JAKMIP2: variants seen among roughly 807,000 people sequenced by gnomAD.
JAKMIP2 encodes the protein janus kinase and microtubule-interacting protein 2.
JAKMIP2 carries 25 observed loss-of-function variants against 115.0 expected under a neutral mutation model. The observed-to-expected ratio is 0.22, with a 90% CI of 0.16 to 0.30. The LOEUF is 0.30. Ranked by LOEUF, JAKMIP2 falls within the 10% of genes least tolerant of loss-of-function variation. The probability of loss-of-function intolerance (pLI) is 1.00; values close to 1 mark genes in which losing one functional copy is unlikely to be tolerated. For missense variants in JAKMIP2, 642 were observed against 957.6 expected, an observed-to-expected ratio of 0.67 and a Z score of 4.35; for synonymous variants, 334 against 343.6, an observed-to-expected ratio of 0.97 and a Z score of 0.31.
At chr5:147,721,842 GC>G (rs1365730940) in intron 1 of JAKMIP2, among the ~76,000 whole-genome samples, 1 of 152,128 alleles carries the variant, frequency 6.6e-6, no homozygotes, top group Non-Finnish European at 1.5e-5. Context: ...GTAGACCGGA[GC>G]CGTTCCTATT....
chr5:147,763,385 T>C (rs1755002025), intron 1 of JAKMIP2, among the ~76,000 whole-genome samples: 1 of 152,158 alleles, frequency 6.6e-6, no homozygotes, highest in African/African-American at 2.4e-5. Context: ...TGGGGGCAGC[T>C]ATAGGCTGTC....
intron 1 of JAKMIP2, among the ~76,000 whole-genome samples, chr5:147,771,207 G>A (rs1755341527): frequency 6.6e-6 from 1 of 152,122 alleles, no homozygotes; most frequent in African/African-American, 2.4e-5. Context: ...TTTGCAGTCA[G>A]ACAGAATTAA....
At chr5:147,655,036 C>T (rs1758608906) in intron 3 of JAKMIP2, among the ~76,000 whole-genome samples, 1 of 152,200 alleles carries the variant, frequency 6.6e-6, no homozygotes, top group Admixed American at 6.5e-5. Context: ...ACCATCCTTG[C>T]ATCCCAGGGA....
intron 16 of JAKMIP2, 147 bp downstream of exon 16, chr5:147,628,604 C>T: frequency 4.0e-6 from 2 of 506,026 alleles, no homozygotes; most frequent in Non-Finnish European, 6.9e-6. Flanking sequence ...CTCATTCTAT[C>T]TGGGTTGTAC....
chr5:147,770,067 A>G (rs763680275), intron 1 of JAKMIP2, among the ~76,000 whole-genome samples: 6 of 152,198 alleles, frequency 3.9e-5, no homozygotes, highest in Non-Finnish European at 7.4e-5. Context: ...ACGTATGTAT[A>G]TATGTTTGTG....
At chr5:147,616,595 A>T (rs1236876357) in intron 19 of JAKMIP2, among the ~76,000 whole-genome samples, 2 of 152,214 alleles carry the variant, frequency 1.3e-5, no homozygotes, top group African/African-American at 4.8e-5. Context: ...TTGCAGCACA[A>T]GAAATTTGTG....
chr5:147,749,097 T>C (rs532383213), intron 1 of JAKMIP2, among the ~76,000 whole-genome samples: 3 of 152,152 alleles, frequency 2.0e-5, no homozygotes, highest in Non-Finnish European at 4.4e-5. Flanking sequence ...TGAAAACATG[T>C]CCTAAGTTAC....
At chr5:147,675,376 G>T (rs1184778143) in intron 1 of JAKMIP2, among the ~76,000 whole-genome samples, 1 of 152,028 alleles carries the variant, frequency 6.6e-6, no homozygotes, top group Non-Finnish European at 1.5e-5. Context: ...TGGTGGAGGA[G>T]AACTTTCCAA....
intron 1 of JAKMIP2, among the ~76,000 whole-genome samples, chr5:147,690,966 G>C (rs1271431187): frequency 6.6e-6 from 1 of 152,038 alleles, no homozygotes; most frequent in Admixed American, 6.5e-5. Flanking sequence ...CCTGGGGGTA[G>C]GTGCCTGAAG....
At chr5:147,721,279 G>A (rs1753272053) in intron 1 of JAKMIP2, among the ~76,000 whole-genome samples, 1 of 152,110 alleles carries the variant, frequency 6.6e-6, no homozygotes, top group Non-Finnish European at 1.5e-5. Flanking sequence ...ATTTAAGTCT[G>A]CAGAGGTTAC....
intron 5 of JAKMIP2, among the ~76,000 whole-genome samples, chr5:147,645,412 C>G (rs1561511532): frequency 6.6e-6 from 1 of 152,082 alleles, no homozygotes; most frequent in Non-Finnish European, 1.5e-5. Context: ...CTAAGTAATG[C>G]GACCAGGAGC....
intron 1 of JAKMIP2, among the ~76,000 whole-genome samples, chr5:147,676,187 T>G (rs1485947467): frequency 6.6e-6 from 1 of 152,120 alleles, no homozygotes; most frequent in Non-Finnish European, 1.5e-5. Context: ...TACAAAAAAA[T>G]TAGCCGGACG....
intron 1 of JAKMIP2, among the ~76,000 whole-genome samples, chr5:147,685,679 T>A (rs1760531993): frequency 6.6e-6 from 1 of 152,202 alleles, no homozygotes; most frequent in African/African-American, 2.4e-5. Context: ...ACAACTTATT[T>A]GAAAGCAATT....
chr5:147,763,954 G>T (rs922800522), intron 1 of JAKMIP2, among the ~76,000 whole-genome samples: 9 of 152,060 alleles, frequency 5.9e-5, no homozygotes, highest in African/African-American at 2.2e-4. Context: ...GTCACCTAAG[G>T]ATCACCCAGC....
chr5:147,764,597 G>A (rs548245628), intron 1 of JAKMIP2, among the ~76,000 whole-genome samples: 1 of 151,944 alleles, frequency 6.6e-6, no homozygotes, highest in East Asian at 2.0e-4. Context: ...TATAGAAAGA[G>A]CAATTCGGCT....
At chr5:147,728,617 T>C (rs575560821) in intron 1 of JAKMIP2, among the ~76,000 whole-genome samples, 2 of 152,320 alleles carry the variant, frequency 1.3e-5, no homozygotes, top group South Asian at 4.1e-4. Flanking sequence ...ATTAACTGGC[T>C]GAAAAATAAT....
chr5:147,726,293 T>C (rs1302391314), intron 1 of JAKMIP2, among the ~76,000 whole-genome samples: 1 of 152,182 alleles, frequency 6.6e-6, no homozygotes, highest in African/African-American at 2.4e-5. Context: ...GTCACACGTA[T>C]TTTGCTCTGC....
At chr5:147,636,837 C>G (rs1030871595) in intron 11 of JAKMIP2, 128 bp downstream of exon 11, 5 of 775,124 alleles carry the variant, frequency 6.5e-6, no homozygotes, top group Middle Eastern at 3.0e-4. Context: ...AACATTCTAA[C>G]GCAGTTCGAG....
chr5:147,631,363 T>G (rs1757341017), intron 14 of JAKMIP2, 50 bp downstream of exon 14: 1 of 1,193,336 alleles, frequency 8.4e-7, no homozygotes, highest in African/African-American at 1.5e-5. Context: ...CTTTTCCAAT[T>G]CCCAGTTTTT....
Sources: allele counts gnomAD v4.1 joint callset (sites outside exome capture counted in the v4.1 genomes callset), GRCh38; gene constraint gnomAD v4.1.1; transcripts MANE v1.5; gene names NCBI Gene and HGNC (gene_info 2026-07-23, HGNC 2026-07-21).